Variants in GSK3B observed in about 807,000 individuals in gnomAD.
The protein encoded by GSK3B is glycogen synthase kinase-3 beta.
Under a neutral mutation model 56.4 loss-of-function variants are expected in GSK3B, and 15 were observed. That is an observed-to-expected ratio of 0.27 (90% CI 0.18 to 0.41). The LOEUF is 0.41. Ranked by LOEUF, GSK3B falls within the 10% of genes least tolerant of loss-of-function variation. GSK3B has a pLI of 1.00. For missense variants in GSK3B, 300 were observed against 513.4 expected, an observed-to-expected ratio of 0.58 and a Z score of 4.02; for synonymous variants, 181 against 188.9, an observed-to-expected ratio of 0.96 and a Z score of 0.34.
intron 1 of GSK3B, among the ~76,000 whole-genome samples, chr3:120,089,336 C>T (rs898831113): frequency 6.6e-6 from 1 of 152,114 alleles, no homozygotes; most frequent in African/African-American, 2.4e-5. Context: ...CTGGGGAAGT[C>T]GGGTTGGGAA....
chr3:119,924,201 AAAAG>A (rs1237290602), intron 3 of GSK3B, among the ~76,000 whole-genome samples: 1 of 152,262 alleles, frequency 6.6e-6, no homozygotes, highest in African/African-American at 2.4e-5. Flanking sequence ...CCAGTGGAGA[AAAAG>A]AAAGGCATTC....
chr3:120,056,942 A>G (rs973504781), intron 1 of GSK3B, among the ~76,000 whole-genome samples: 8 of 152,188 alleles, frequency 5.3e-5, no homozygotes, highest in African/African-American at 1.9e-4. Flanking sequence ...CAGTAGCTCA[A>G]GACCAGCCTG....
At chr3:119,962,389 AAC>A (rs1289712539) in intron 2 of GSK3B, among the ~76,000 whole-genome samples, 7 of 151,274 alleles carry the variant, frequency 4.6e-5, no homozygotes, top group African/African-American at 9.7e-5. Flanking sequence ...AAAAAAAAAA[AAC>A]AAAAACAAAA....
At position 119,863,447 on chromosome 3, in the gene GSK3B, T is replaced by C; in HGVS notation, c.1068A>G (p.Thr356=). 6.2e-7 allele frequency: 1 copy of C among 1,614,034 alleles called. No homozygotes were observed. Among genetic ancestry groups the C allele is most frequent in the African/African-American group, 1.3e-5 (1 of 75,020 alleles). ...GAGTGGTGAAGTTGAAGAGTGCAGG[T>C]GTGTCTCGCCCATTTGGTAGTTTGA... ...PNVKLPNGRD[T]PALFNFTTQE... The change falls in exon 9 of 11, where the codon ACA becomes ACG. Residue 356 remains threonine, a synonymous_variant. Coordinates refer to ENST00000264235, the MANE Select transcript of GSK3B (RefSeq NM_001146156.2).
intron 10 of GSK3B, among the ~76,000 whole-genome samples, chr3:119,841,787 A>G (rs1284152477): frequency 6.6e-6 from 1 of 152,264 alleles, no homozygotes; most frequent in Non-Finnish European, 1.5e-5. Context: ...TGTGCTGATA[A>G]ACTTGGAACA....
Position 119,984,768 on chromosome 3 carries a change from G to A in GSK3B, c.282+17278C>T, listed in dbSNP as rs542505896. On this transcript the variant is annotated intron_variant, in intron 2 of 10. Transcript: ENST00000264235. ...AGTCCAGGACCAGAGGTACAAAGAG[G>A]AGCTGGCACCATTCCTTCTGAAACT... Among the ~76,000 whole-genome samples the A allele has an allele frequency of 7.3e-5, 11 of 151,222 alleles. 1 individual carries two copies. The South Asian group carries it at 1.5e-3, about 20-fold the overall frequency.
chr3:119,957,618 G>A (rs1190559166), intron 2 of GSK3B, among the ~76,000 whole-genome samples: 1 of 152,146 alleles, frequency 6.6e-6, no homozygotes, highest in African/African-American at 2.4e-5. Flanking sequence ...AACAACTACA[G>A]AACACAAAGA....
chr3:120,023,612 T>C lies in GSK3B; in HGVS notation c.89-21373A>G, dbSNP rs933421428. ...TTAAATTTCATGATGCCCCTTAAAT[T>C]TAATCAAGAAGAAAAATACCATTTC... On this transcript the variant is annotated intron_variant, in intron 1 of 10. Transcript: ENST00000264235. 7.9e-5 allele frequency among the ~76,000 whole-genome samples: 12 copies of C among 152,220 alleles called. 1 individual carries two copies. The highest frequency in any genetic ancestry group is 3.4e-3 in the Middle Eastern group (1 of 294).
chr3:119,993,333 CATAA>C (rs1033743928), intron 2 of GSK3B, among the ~76,000 whole-genome samples: 9 of 151,466 alleles, frequency 5.9e-5, no homozygotes, highest in South Asian at 2.1e-4. Context: ...AGAATGAAAA[CATAA>C]ATAATTTTTT....
chr3:120,002,328 C>A, intron 1 of GSK3B, 89 bp from the exon 2 acceptor site: 2 of 589,078 alleles, frequency 3.4e-6, no homozygotes, highest in Non-Finnish European at 5.5e-6. Context: ...AAACTATATT[C>A]TTTATTTTTT....
chr3:120,044,483 G>GA (rs527615536), intron 1 of GSK3B, among the ~76,000 whole-genome samples: 3,489 of 142,120 alleles, frequency 0.025, 77 homozygotes, highest in South Asian at 0.075. Context: ...ATCAAGCAGA[G>GA]AAAAAAAAAA....
At chr3:119,975,796 T>C (rs2057403989) in intron 2 of GSK3B, among the ~76,000 whole-genome samples, 1 of 152,216 alleles carries the variant, frequency 6.6e-6, no homozygotes, top group Admixed American at 6.5e-5. Context: ...GTATATTGAT[T>C]GTCACAAATG....
At chr3:119,830,873 T>C (rs531562847) in intron 10 of GSK3B, among the ~76,000 whole-genome samples, 1 of 152,298 alleles carries the variant, frequency 6.6e-6, no homozygotes, top group East Asian at 1.9e-4. Context: ...ATGAAGTGCT[T>C]AGCACAGTAT....
chr3:119,893,873 TAA>T (rs200995417), intron 7 of GSK3B, among the ~76,000 whole-genome samples: 16 of 137,606 alleles, frequency 1.2e-4, no homozygotes, highest in Admixed American at 1.5e-4. Context: ...ACTTTTGCCT[TAA>T]AAAAAAAAAA....
At chr3:120,017,985 C>T (rs985684148) in intron 1 of GSK3B, among the ~76,000 whole-genome samples, 2 of 152,208 alleles carry the variant, frequency 1.3e-5, no homozygotes, top group South Asian at 4.1e-4. Flanking sequence ...GTCAATTCAA[C>T]AGATTGAGAA....
At chr3:120,054,298 C>A (rs1299354644) in intron 1 of GSK3B, among the ~76,000 whole-genome samples, 1 of 152,136 alleles carries the variant, frequency 6.6e-6, no homozygotes, top group African/African-American at 2.4e-5. Context: ...CTGTACTCCA[C>A]CAGCTTCATA....
At chr3:120,064,198 T>C (rs2058261639) in intron 1 of GSK3B, among the ~76,000 whole-genome samples, 2 of 151,582 alleles carry the variant, frequency 1.3e-5, no homozygotes, top group African/African-American at 2.4e-5. Flanking sequence ...AGTATAAAGC[T>C]AAGAAAGAGA....
intron 7 of GSK3B, among the ~76,000 whole-genome samples, chr3:119,884,602 C>T (rs1257080450): frequency 6.6e-6 from 1 of 151,960 alleles, no homozygotes; most frequent in Non-Finnish European, 1.5e-5. Context: ...GTCACTGACT[C>T]CCTAAAATGG....
At chr3:120,001,311 T>C (rs1265866423) in intron 2 of GSK3B, among the ~76,000 whole-genome samples, 3 of 152,034 alleles carry the variant, frequency 2.0e-5, no homozygotes, top group African/African-American at 7.2e-5. Flanking sequence ...ACAGGCGACT[T>C]GCCTGAGCTC....
Sources: gnomAD v4.1 joint callset for allele counts (sites outside exome capture counted in the v4.1 genomes callset) on GRCh38, gnomAD v4.1.1 for gene constraint, MANE v1.5 for transcripts, NCBI Gene and HGNC (gene_info 2026-07-23, HGNC 2026-07-21) for gene names.